FNDC3A: variants seen among roughly 807,000 people sequenced by gnomAD.
FNDC3A encodes the protein fibronectin type III domain containing 3A.
In FNDC3A, 32 loss-of-function variants were observed where a neutral mutation model predicts 148.9. The observed-to-expected ratio is 0.21, with a 90% CI of 0.16 to 0.29. FNDC3A has a LOEUF of 0.29. FNDC3A is among the 10% of genes least tolerant of loss of function. FNDC3A has a pLI of 1.00. For synonymous variants in FNDC3A, 472 were observed against 473.6 expected, an observed-to-expected ratio of 1.00 and a Z score of 0.04; for missense variants, 1,191 against 1,452.8, an observed-to-expected ratio of 0.82 and a Z score of 2.93.
At chr13:49,072,131 A>G (rs929067572) in intron 2 of FNDC3A, among the ~76,000 whole-genome samples, 1 of 152,002 alleles carries the variant, frequency 6.6e-6, no homozygotes, top group African/African-American at 2.4e-5. Flanking sequence ...GTTTTTTTCT[A>G]GTAGTTTTGT....
Position 48,976,197 on chromosome 13 carries a change from C to G in FNDC3A, c.-40+20C>G, listed in dbSNP as rs1183774208. On this transcript the variant is annotated intron_variant, in intron 1 of 25. Coordinates refer to ENST00000492622, the MANE Select transcript of FNDC3A (RefSeq NM_001079673.2). ...TCGGAGGTGAGAGCGCGGGCACTCCCTCCGCGAAAGGCGGGGGACACCGAG... is the reference window on the plus strand; with the variant it reads ...TCGGAGGTGAGAGCGCGGGCACTCCGTCCGCGAAAGGCGGGGGACACCGAG... 1 of 152,294 alleles carries G rather than the reference C, an allele frequency of 6.6e-6. No homozygotes were observed. Among genetic ancestry groups the G allele is most frequent in the East Asian group, 1.9e-4 (1 of 5,172 alleles). The allele number at this position is 152,294 out of a possible 1,614,324, so 9.4% of individuals were successfully genotyped here.
At chr13:49,173,631 C>T (rs1352118690) in intron 11 of FNDC3A, among the ~76,000 whole-genome samples, 3 of 152,216 alleles carry the variant, frequency 2.0e-5, no homozygotes, top group Middle Eastern at 6.8e-3. Context: ...GTGTCTGGCT[C>T]GGGGCAAAAC....
At position 49,201,948 on chromosome 13, in the gene FNDC3A, G is replaced by C; in HGVS notation, c.3136G>C (p.Val1046Leu). 1 of 1,568,254 alleles carries C rather than the reference G, an allele frequency of 6.4e-7. No individual in the cohort carries two copies. The highest frequency in any genetic ancestry group is 1.4e-5 in the African/African-American group (1 of 72,420). ...ATATATTTTCACTACTCCAAAATCT[G>C]TCCCAGCTGCCTTGAAAGGTAAGTT... is the stretch of plus-strand genomic sequence containing the variant. ...QEYIFTTPKS[V>L]PAALKAPKIE... The change falls in exon 24 of 26, where the codon GTC becomes CTC. Residue 1046 changes from valine to leucine, a missense_variant. Coordinates refer to ENST00000492622, the MANE Select transcript of FNDC3A (RefSeq NM_001079673.2).
intron 8 of FNDC3A, among the ~76,000 whole-genome samples, chr13:49,156,560 A>C (rs948298827): frequency 2.7e-5 from 4 of 147,334 alleles, no homozygotes; most frequent in Non-Finnish European, 6.0e-5. Flanking sequence ...TGATCCTGTC[A>C]TTATGATGTT....
At chr13:49,182,300 T>C (rs975660669) in intron 14 of FNDC3A, among the ~76,000 whole-genome samples, 3 of 152,132 alleles carry the variant, frequency 2.0e-5, no homozygotes, top group African/African-American at 7.2e-5. Context: ...AAAATAAAAT[T>C]TTAAAGCACA....
intron 2 of FNDC3A, among the ~76,000 whole-genome samples, chr13:49,009,290 AT>A (rs1402357507): frequency 6.6e-6 from 1 of 152,166 alleles, no homozygotes; most frequent in Non-Finnish European, 1.5e-5. Flanking sequence ...CCACGGCTTA[AT>A]AGCTCATTTC....
At chr13:49,025,290 C>T (rs988532353) in intron 2 of FNDC3A, among the ~76,000 whole-genome samples, 5 of 152,094 alleles carry the variant, frequency 3.3e-5, no homozygotes, top group Admixed American at 3.3e-4. Flanking sequence ...ATTTAGATAG[C>T]TTTTCTCATC....
intron 3 of FNDC3A, among the ~76,000 whole-genome samples, chr13:49,109,752 C>T (rs2137861192): frequency 6.6e-6 from 1 of 152,084 alleles, no homozygotes; most frequent in East Asian, 1.9e-4. Flanking sequence ...AAAATAAAAC[C>T]AATAATGAAA....
At chr13:49,035,194 G>GAGCTA (rs1468019365) in intron 2 of FNDC3A, among the ~76,000 whole-genome samples, 1 of 152,052 alleles carries the variant, frequency 6.6e-6, no homozygotes, top group African/African-American at 2.4e-5. Flanking sequence ...TAAGTTCAAT[G>GAGCTA]AGCTACATGG....
intron 3 of FNDC3A, among the ~76,000 whole-genome samples, chr13:49,093,818 A>G (rs558884999): frequency 6.6e-6 from 1 of 152,298 alleles, no homozygotes; most frequent in South Asian, 2.1e-4. Context: ...TTATCTTTGA[A>G]CCTCAAGACT....
chr13:49,125,178 A>C (rs1045587972), intron 4 of FNDC3A, among the ~76,000 whole-genome samples: 3 of 152,278 alleles, frequency 2.0e-5, no homozygotes, highest in East Asian at 3.9e-4. Context: ...GAGTGAGGTC[A>C]GTGTGTTTTT....
chr13:49,007,863 G>A (rs1199025769), intron 2 of FNDC3A, among the ~76,000 whole-genome samples: 2 of 152,154 alleles, frequency 1.3e-5, no homozygotes, highest in African/African-American at 4.8e-5. Flanking sequence ...GTAGAGTAAA[G>A]CCTTGAATTC....
rs114921584 is a variant in FNDC3A, at chr13:49,163,599, A to G, written c.978-3645A>G. 9.5e-3 allele frequency among the ~76,000 whole-genome samples: 1,451 copies of G among 152,250 alleles called. 14 individuals carry two copies. The highest frequency in any genetic ancestry group is 0.023 in the African/African-American group (943 of 41,522). On this transcript the variant is annotated intron_variant, in intron 8 of 25. Transcript: ENST00000492622. ...CCCCTTGCACTTTGTGGGTGAGGCT[A>G]TGCCCCACCCTGCTTTGGCTCACAC...
chr13:49,044,322 C>A, intron 2 of FNDC3A: 1 of 160,916 alleles, frequency 6.2e-6, no homozygotes. Context: ...GGTAGGGCTT[C>A]CATTTTCAGT....
At chr13:49,099,551 A>G (rs1011910598) in intron 3 of FNDC3A, among the ~76,000 whole-genome samples, 1 of 152,148 alleles carries the variant, frequency 6.6e-6, no homozygotes, top group African/African-American at 2.4e-5. Context: ...TATTTCTGCC[A>G]CTGAATATAT....
chr13:48,988,998 A>C (rs1036397741), intron 1 of FNDC3A, among the ~76,000 whole-genome samples: 1 of 152,224 alleles, frequency 6.6e-6, no homozygotes, highest in African/African-American at 2.4e-5. Context: ...AAAAGATTGT[A>C]TATAGAACAG....
intron 2 of FNDC3A, among the ~76,000 whole-genome samples, chr13:49,013,474 A>G (rs931554819): frequency 1.3e-5 from 2 of 150,432 alleles, no homozygotes; most frequent in African/African-American, 4.9e-5. Flanking sequence ...ACATATGTAC[A>G]CGTGTATACA....
chr13:49,022,810 G>A (rs764411314), intron 2 of FNDC3A, among the ~76,000 whole-genome samples: 9 of 152,068 alleles, frequency 5.9e-5, no homozygotes, highest in South Asian at 2.1e-4. Flanking sequence ...TCTCCCACAC[G>A]TCTGCACCAT....
chr13:49,195,127 A>T (rs1886085998), intron 19 of FNDC3A, among the ~76,000 whole-genome samples: 1 of 152,146 alleles, frequency 6.6e-6, no homozygotes, highest in African/African-American at 2.4e-5. Flanking sequence ...TATATAGTTT[A>T]ACTTTATTCA....
Sources: gnomAD v4.1 joint callset for allele counts (sites outside exome capture counted in the v4.1 genomes callset) on GRCh38, gnomAD v4.1.1 for gene constraint, MANE v1.5 for transcripts, NCBI Gene and HGNC (gene_info 2026-07-23, HGNC 2026-07-21) for gene names.